The following NELL2 variants were observed in gnomAD, a reference collection of about 807,000 sequenced individuals.
NELL2 encodes protein kinase C-binding protein NELL2.
A neutral mutation model predicts 109.6 loss-of-function variants in NELL2; 41 were observed. That is an observed-to-expected ratio of 0.37 (90% confidence interval 0.29 to 0.49). The LOEUF (loss-of-function observed/expected upper bound fraction) is 0.49, where lower values mean the gene tolerates loss of function less well. Ranked by LOEUF, NELL2 falls within the 20% of genes least tolerant of loss-of-function variation. The pLI is 0.98. For missense variants in NELL2, 900 were observed against 1,008.3 expected (o/e 0.89, Z 1.45); for synonymous variants, 355 against 344.7 (o/e 1.03, Z -0.33).
intron 15 of NELL2, among the ~76,000 whole-genome samples, chr12:44,564,349 A>G (rs1943578268): frequency 6.6e-6 from 1 of 152,228 alleles, no homozygotes; most frequent in Non-Finnish European, 1.5e-5. Context: ...GAAATATTGA[A>G]TATGAGTTAT....
At chr12:44,528,220 GT>G (rs925827546) in intron 16 of NELL2, among the ~76,000 whole-genome samples, 5 of 148,926 alleles carry the variant, frequency 3.4e-5, no homozygotes, top group African/African-American at 7.4e-5. Flanking sequence ...TTCCAGAAGA[GT>G]TTTTTTTTGT....
At chr12:44,875,423 G>C (rs755336654) in intron 1 of NELL2, 70 bp from the exon 2 acceptor site, 5 of 1,613,818 alleles carry the variant, frequency 3.1e-6, no homozygotes, top group African/African-American at 2.7e-5. Flanking sequence ...TCTTCCTCCA[G>C]GGCAGCAAAG....
intron 13 of NELL2, among the ~76,000 whole-genome samples, chr12:44,661,608 C>T (rs1338627775): frequency 6.6e-6 from 1 of 152,038 alleles, no homozygotes; most frequent in African/African-American, 2.4e-5. Context: ...ATGCTTTTTC[C>T]ATTACTCAAG....
chr12:44,617,406 G>GAAGAATAAATTTAAAGGAT (rs1592213850), intron 13 of NELL2, among the ~76,000 whole-genome samples: 1 of 145,460 alleles, frequency 6.9e-6, no homozygotes. Context: ...AAGCAGTTGT[G>GAAGAATAAATTTAAAGGAT]GCCGGGCGCG....
intron 15 of NELL2, among the ~76,000 whole-genome samples, chr12:44,545,984 G>T (rs1367935236): frequency 6.6e-6 from 1 of 152,030 alleles, no homozygotes; most frequent in African/African-American, 2.4e-5. Flanking sequence ...GAGAGTTATG[G>T]TGTCTTTGTA....
chr12:44,828,118 G>A (rs1422416439), intron 2 of NELL2, among the ~76,000 whole-genome samples: 2 of 152,110 alleles, frequency 1.3e-5, no homozygotes, highest in African/African-American at 4.8e-5. Flanking sequence ...CTTCTTCTGA[G>A]AAATGTCTAT....
chr12:44,657,389 T>C (rs1947545022), intron 13 of NELL2, among the ~76,000 whole-genome samples: 1 of 152,156 alleles, frequency 6.6e-6, no homozygotes, highest in African/African-American at 2.4e-5. Flanking sequence ...CAAAACTGAA[T>C]TTTTCCTCAA....
At chr12:44,696,763 A>G (rs1239090976) in intron 12 of NELL2, among the ~76,000 whole-genome samples, 2 of 152,160 alleles carry the variant, frequency 1.3e-5, no homozygotes, top group African/African-American at 4.8e-5. Flanking sequence ...AGTTCAGCAT[A>G]TCTAAGCATT....
At chr12:44,828,911 T>A (rs1445139735) in intron 2 of NELL2, among the ~76,000 whole-genome samples, 2 of 152,168 alleles carry the variant, frequency 1.3e-5, no homozygotes, top group Non-Finnish European at 2.9e-5. Flanking sequence ...GTAGTAATGA[T>A]CAACCACAAT....
At chr12:44,894,072 A>G (rs945909689) in intron 1 of NELL2, among the ~76,000 whole-genome samples, 3 of 152,240 alleles carry the variant, frequency 2.0e-5, no homozygotes, top group African/African-American at 7.2e-5. Flanking sequence ...CACATTGTTC[A>G]ATGAAAGTTT....
intron 2 of NELL2, among the ~76,000 whole-genome samples, chr12:44,827,246 C>T (rs1047615104): frequency 6.6e-6 from 1 of 152,124 alleles, no homozygotes; most frequent in African/African-American, 2.4e-5. Flanking sequence ...GAGGTAATCA[C>T]ATCAGGGTAA....
chr12:44,642,749 G>A (rs1946908535), intron 13 of NELL2, among the ~76,000 whole-genome samples: 2 of 152,138 alleles, frequency 1.3e-5, no homozygotes. Context: ...GGGCATGGTG[G>A]TGTGCACCTG....
chr12:44,532,711 T>C lies in NELL2; in HGVS notation c.1674A>G (p.Glu558=), dbSNP rs1388940872. Residue 558 remains glutamate, a synonymous_variant, in exon 16 of 20, where the codon GAA becomes GAG. Transcript: ENST00000429094. ...TGPSCETDID[E]CSDGFVQCDS... ...CACATTGAACAAAACCATCAGAGCA[T>C]TCATCAATGTCTGGCAAAAAAAGAG... The C allele has an allele frequency of 1.9e-6, 3 of 1,607,674 alleles. No individual in the cohort carries two copies. The highest frequency in any genetic ancestry group is 2.5e-6 in the Non-Finnish European group (3 of 1,177,648).
At chr12:44,662,817 T>C (rs1947792855) in intron 13 of NELL2, among the ~76,000 whole-genome samples, 1 of 152,108 alleles carries the variant, frequency 6.6e-6, no homozygotes, top group Admixed American at 6.6e-5. Flanking sequence ...GCTGGGAGTA[T>C]CTGTTGTTCT....
rs186042045 is a variant in NELL2, at chr12:44,702,292, G to T, written c.1318+1434C>A. ...TTAGCTCCCAGAATGTAAAGCTCCTGAGCACGGGAAATTCTTAAGTCTTGT... is the reference window on the plus strand; with the variant it reads ...TTAGCTCCCAGAATGTAAAGCTCCTTAGCACGGGAAATTCTTAAGTCTTGT... On this transcript the variant is annotated intron_variant, in intron 12 of 19. Transcript: ENST00000429094. 5.7e-3 allele frequency among the ~76,000 whole-genome samples: 870 copies of T among 152,168 alleles called. 11 individuals are homozygous for T. The highest frequency in any genetic ancestry group is 0.02 in the African/African-American group (836 of 41,512).
intron 2 of NELL2, among the ~76,000 whole-genome samples, chr12:44,820,477 T>C (rs1412567820): frequency 3.3e-5 from 5 of 151,842 alleles, no homozygotes; most frequent in Admixed American, 6.6e-5. Context: ...GGCGTGGTGA[T>C]GGGCGCCTGT....
At chr12:44,799,512 G>GA (rs5797917) in intron 3 of NELL2, among the ~76,000 whole-genome samples, 109,911 of 151,890 alleles carry the variant, frequency 0.72, 40,019 homozygotes, top group Non-Finnish European at 0.76. Flanking sequence ...GGTAGGTTGA[G>GA]AAGGGTCAAC....
chr12:44,510,306 G>A (rs1308023306), intron 19 of NELL2, among the ~76,000 whole-genome samples: 1 of 152,130 alleles, frequency 6.6e-6, no homozygotes. Flanking sequence ...ATAGTCACAC[G>A]TTTTAGATTC....
upstream of NELL2, among the ~76,000 whole-genome samples, chr12:44,880,140 C>CACACAG (rs1459402812): frequency 2.0e-5 from 3 of 147,450 alleles, no homozygotes; most frequent in African/African-American, 7.7e-5. Flanking sequence ...CACACACACA[C>CACACAG]AGAGAGAGAG....
Sources: allele counts gnomAD v4.1 joint callset (sites outside exome capture counted in the v4.1 genomes callset), GRCh38; gene constraint gnomAD v4.1.1; transcripts MANE v1.5; gene names NCBI Gene and HGNC (gene_info 2026-07-23, HGNC 2026-07-21).